NME9: variants seen among roughly 807,000 people sequenced by gnomAD.
NME9 encodes thioredoxin domain-containing protein 6.
Under a neutral mutation model 44.4 loss-of-function variants are expected in NME9, and 48 were observed. The ratio of observed to expected loss-of-function variants is 1.08; its 90% CI spans 0.86 to 1.37. NME9 has a LOEUF of 1.37. Ranked by LOEUF, NME9 falls within the 40% of genes most tolerant of loss-of-function variation. NME9 has a pLI of 0.00. For synonymous variants in NME9, 139 were observed against 147.1 expected, an observed-to-expected ratio of 0.94 and a Z score of 0.40; for missense variants, 325 against 405.2, an observed-to-expected ratio of 0.80 and a Z score of 1.70.
In NME9 at chr3:138,304,899, A is replaced by C. The variant is rs139311375; in HGVS notation, c.765T>G (p.Asn255Lys). 1.2e-6 allele frequency: 2 copies of C among 1,614,042 alleles called. No individual in the cohort carries two copies. The highest frequency in any genetic ancestry group is 2.2e-5 in the South Asian group (2 of 91,072). ...WRTVMGPRDP[N>K]VARREQPESL... ...TTTCTGGCTGCTCCCTCCTGGCCAC[A>C]TTGGGGTCACGGGGGCCCATGACGG... Residue 255 changes from asparagine to lysine, a missense_variant, in exon 9 of 11, where the codon AAT becomes AAG. Asn to Lys is a moderately conservative substitution (Grantham distance 94). Coordinates refer to ENST00000333911, the MANE Select transcript of NME9 (RefSeq NM_001349018.2).
intron 8 of NME9, among the ~76,000 whole-genome samples, chr3:138,288,454 T>C (rs957685739): frequency 6.6e-6 from 1 of 152,250 alleles, no homozygotes. Flanking sequence ...CCTAGAGGTG[T>C]TTTGTTTGTC....
rs1028996490 is a variant in NME9, at chr3:138,329,838, G to T, written c.-503C>A. 3.0e-6 allele frequency: 3 copies of T among 985,930 alleles called. No homozygotes were observed. Among genetic ancestry groups the T allele is most frequent in the Non-Finnish European group, 3.6e-6 (3 of 830,342 alleles). The allele number at this position is 985,930 out of a possible 1,614,324, so 61.1% of individuals were successfully genotyped here. A position where few individuals can be genotyped will look rare whatever the true frequency, so the allele number is the denominator to read the frequency against. ...CAACCGAGTCTGCCGCGACCTAGCC[G>T]CGGTCGTCATGGCAACCTGGCCCCC... On this transcript the variant is annotated 5_prime_UTR_variant, in exon 1 of 11. Coordinates refer to ENST00000333911, the MANE Select transcript of NME9 (RefSeq NM_001349018.2).
At chr3:138,329,233 C>A in intron 1 of NME9, 70 bp downstream of exon 1, 1 of 1,355,212 alleles carries the variant, frequency 7.4e-7, no homozygotes, top group Non-Finnish European at 1.0e-6. Context: ...ATACTGCAAC[C>A]CCGCTCTAAT....
intron 1 of NME9, among the ~76,000 whole-genome samples, chr3:138,326,687 G>A (rs1280323131): frequency 1.3e-5 from 2 of 151,620 alleles, no homozygotes; most frequent in East Asian, 1.9e-4. Flanking sequence ...TGCCTGCCTC[G>A]GCCTTCCAAA....
chr3:138,263,314 G>A (rs2047936059), intron 8 of NME9, among the ~76,000 whole-genome samples: 1 of 152,206 alleles, frequency 6.6e-6, no homozygotes, highest in Admixed American at 6.5e-5. Flanking sequence ...CCACAGGGTG[G>A]CTCTGTCCTA....
rs771921655 is a variant in NME9 at position 138,264,894 on chromosome 3, ATT to A, written c.746-2310_746-2309del. Reference sequence around the variant, plus strand: ...TGTTCTTAGTCTCGGCAATCCCTGGATTTTTTTTTTTTTTTTAAATAGACACA... The same window carrying A: ...TGTTCTTAGTCTCGGCAATCCCTGGATTTTTTTTTTTTTTAAATAGACACA... On this transcript the variant is annotated intron_variant, in intron 8 of 8. Coordinates refer to the NME9 transcript ENST00000317876. Among the ~76,000 whole-genome samples, 895 of 140,098 alleles carry A rather than the reference ATT, an allele frequency of 6.4e-3. 11 individuals carry two copies. The highest frequency in any genetic ancestry group is 0.022 in the African/African-American group (833 of 38,680). 91.9% of individuals were successfully genotyped at this position (140,098 alleles called of 152,430 possible).
intron 8 of NME9, among the ~76,000 whole-genome samples, chr3:138,262,823 A>G (rs1374685446): frequency 6.6e-6 from 1 of 152,192 alleles, no homozygotes; most frequent in Non-Finnish European, 1.5e-5. Context: ...TGAGTACAAG[A>G]GGACTACCTT....
At chr3:138,265,060 G>A (rs765917098) in intron 8 of NME9, among the ~76,000 whole-genome samples, 32 of 151,870 alleles carry the variant, frequency 2.1e-4, no homozygotes, top group Non-Finnish European at 8.8e-5. Context: ...ACTATGCCTG[G>A]CTAATTTTTT....
chr3:138,312,578 A>G (rs907085058), intron 6 of NME9, among the ~76,000 whole-genome samples: 3 of 152,296 alleles, frequency 2.0e-5, no homozygotes, highest in Admixed American at 6.5e-5. Context: ...TTACACCCCT[A>G]TTTCTCACCA....
chr3:138,262,613 ATT>A, intron 8 of NME9: 1 of 1,497,202 alleles, frequency 6.7e-7, no homozygotes, highest in South Asian at 1.3e-5. Flanking sequence ...AAAAAAAAAA[ATT>A]TAGGTGCCTA....
chr3:138,270,157 A>G, intron 8 of NME9: 1 of 1,474,936 alleles, frequency 6.8e-7, no homozygotes, highest in Non-Finnish European at 9.5e-7. Flanking sequence ...TATATATATC[A>G]TAACTTACAA....
At chr3:138,285,091 T>C (rs558303819) in intron 8 of NME9, among the ~76,000 whole-genome samples, 2 of 152,314 alleles carry the variant, frequency 1.3e-5, no homozygotes, top group Non-Finnish European at 2.9e-5. Context: ...GTCTTCTCTA[T>C]CCCTGCCATG....
downstream of NME9, among the ~76,000 whole-genome samples, chr3:138,298,817 T>G (rs575774694): frequency 8.1e-4 from 124 of 152,284 alleles, 2 homozygotes; most frequent in African/African-American, 2.9e-3. Context: ...ATCTCTGAAT[T>G]GTAGGCACAT....
chr3:138,306,142 A>T (rs1190192168), intron 7 of NME9, 46 bp from the exon 8 acceptor site: 1 of 1,306,440 alleles, frequency 7.7e-7, no homozygotes, highest in South Asian at 1.2e-5. Context: ...TCAAGCCCAA[A>T]TTCACATTGA....
At chr3:138,284,402 CT>C in intron 8 of NME9, 1 of 1,571,372 alleles carries the variant, frequency 6.4e-7, no homozygotes, top group Non-Finnish European at 8.8e-7. Context: ...CAGAGCTTTC[CT>C]GACTGTTGGC....
chr3:138,290,773 A>G (rs1427935372), intron 8 of NME9: 8 of 645,492 alleles, frequency 1.2e-5, no homozygotes, highest in Admixed American at 6.0e-5. Flanking sequence ...ATAATTTTCT[A>G]TGAGCCACTG....
rs748944647 is a variant in NME9, at chr3:138,303,599, T to A, written c.836A>T (p.His279Leu). 3 of 1,613,708 alleles carry A rather than the reference T, an allele frequency of 1.9e-6. No homozygotes were observed. The highest frequency in any genetic ancestry group is 1.7e-5 in the Admixed American group (1 of 60,012). ...YGTEMPFNAVHGSRDREDADR... is the reference protein window; with the variant it reads ...YGTEMPFNAVLGSRDREDADR... ...AGCATCTTCTCTGTCCCGGCTTCCA[T>A]GGACGGCATTGAAGGGCATTTCTGT... Residue 279 changes from histidine (H) to leucine (L), a missense_variant, in exon 10 of 11, where the codon CAT (histidine) becomes CTT (leucine). Coordinates refer to ENST00000333911, the MANE Select transcript of NME9 (RefSeq NM_001349018.2).
intron 9 of NME9, 75 bp downstream of exon 9, chr3:138,304,798 G>T: frequency 7.0e-7 from 1 of 1,434,222 alleles, no homozygotes; most frequent in Non-Finnish European, 9.7e-7. Context: ...ATTCTAGGCT[G>T]AACACTGAGT....
chr3:138,307,359 CTTATA>C (rs1251057177), intron 6 of NME9, among the ~76,000 whole-genome samples: 3 of 152,184 alleles, frequency 2.0e-5, no homozygotes, highest in Admixed American at 6.5e-5. Context: ...TGTCCTCCTG[CTTATA>C]TTATATAAAC....
Sources: gnomAD v4.1 joint callset for allele counts (sites outside exome capture counted in the v4.1 genomes callset) on GRCh38, gnomAD v4.1.1 for gene constraint, MANE v1.5 for transcripts, NCBI Gene and HGNC (gene_info 2026-07-23, HGNC 2026-07-21) for gene names.